DYNC2H1: variants seen among roughly 807,000 people sequenced by gnomAD.
The protein encoded by DYNC2H1 is dynein cytoplasmic 2 heavy chain 1.
In DYNC2H1, 410 loss-of-function variants were observed where a neutral mutation model predicts 570.0. The ratio of observed to expected loss-of-function variants is 0.72; its 90% CI spans 0.66 to 0.78. The LOEUF (loss-of-function observed/expected upper bound fraction) is 0.78. Ranked by LOEUF, DYNC2H1 falls within the 30% of genes least tolerant of loss-of-function variation. The probability of loss-of-function intolerance (pLI) is 0.00; values close to 1 mark genes in which losing one functional copy is unlikely to be tolerated. For missense variants in DYNC2H1, 4,865 were observed against 5,046.4 expected (o/e 0.96, Z 1.09); for synonymous variants, 1,688 against 1,677.6 (o/e 1.01, Z -0.15).
At chr11:103,124,537 C>T (rs1368056242) in intron 11 of DYNC2H1, among the ~76,000 whole-genome samples, 1 of 149,822 alleles carries the variant, frequency 6.7e-6, no homozygotes, top group Admixed American at 6.6e-5. Flanking sequence ...GAATTTAGTT[C>T]AAGCATTTTT....
At chr11:103,214,967 A>C (rs150851904) in intron 54 of DYNC2H1, among the ~76,000 whole-genome samples, 1 of 151,910 alleles carries the variant, frequency 6.6e-6, no homozygotes, top group Non-Finnish European at 1.5e-5. Context: ...TTATTGATGT[A>C]TAGAAACATT....
intron 1 of DYNC2H1, among the ~76,000 whole-genome samples, chr11:103,110,166 C>G (rs1858043542): frequency 6.6e-6 from 1 of 151,914 alleles, no homozygotes; most frequent in South Asian, 2.1e-4. Flanking sequence ...GTAGCAGGCG[C>G]GCGCCGCCAC....
At position 103,277,330 on chromosome 11, in the gene DYNC2H1, G is replaced by A. The variant is rs770527218; in HGVS notation, c.10696-3018G>A. 4.0e-5 allele frequency among the ~76,000 whole-genome samples: 6 copies of A among 151,436 alleles called. No homozygotes were observed. The highest frequency in any genetic ancestry group is 2.1e-4 in the South Asian group (1 of 4,788). ...TATTTTAATGTGGGTAATTTCCTTC[G>A]GTTTTTCTTTCATTTTACTTATATT... On this transcript the variant is annotated intron_variant, in intron 70 of 88. Transcript: ENST00000375735. The surrounding 1 kb of genome is among the most constrained non-coding windows in gnomAD (Gnocchi z 4.3).
At chr11:103,447,424 C>A (rs1175993435) in intron 85 of DYNC2H1, among the ~76,000 whole-genome samples, 1 of 152,098 alleles carries the variant, frequency 6.6e-6, no homozygotes, top group Non-Finnish European at 1.5e-5. Context: ...CTAAAATCTT[C>A]CTCAAATCCT....
chr11:103,188,493 A>G lies in DYNC2H1; in HGVS notation c.7141-4A>G, dbSNP rs1414103635. On this transcript the variant is annotated splice_region_variant and splice_polypyrimidine_tract_variant and intron_variant, in intron 43 of 88. Coordinates refer to ENST00000375735, the MANE Select transcript of DYNC2H1 (RefSeq NM_001377.3). The stretch of plus-strand genomic sequence containing the variant: ...ACGTTTAAAATATATTTATTTTCAA[A>G]TAGGTATTGACGTATCAAGGATTTT... The G allele has an allele frequency of 3.9e-6, 6 of 1,535,264 alleles. No homozygotes were observed. Among genetic ancestry groups the G allele is most frequent in the Non-Finnish European group, 5.3e-6 (6 of 1,132,952 alleles).
chr11:103,114,850 A>G (rs758635410), intron 3 of DYNC2H1, among the ~76,000 whole-genome samples: 19 of 152,126 alleles, frequency 1.2e-4, no homozygotes, highest in Non-Finnish European at 2.5e-4. Context: ...TTTATCTAGT[A>G]TATGTATTTT....
rs543714584 is a variant in DYNC2H1 at position 103,439,262 on chromosome 11, C to T, written c.12456+3230C>T. Among the ~76,000 whole-genome samples the T allele has an allele frequency of 6.1e-4, 93 of 151,870 alleles. No homozygotes were observed. Among genetic ancestry groups the T allele is most frequent in the African/African-American group, 2.0e-3 (82 of 41,426 alleles). On this transcript the variant is annotated intron_variant, in intron 85 of 88. Coordinates refer to ENST00000375735, the MANE Select transcript of DYNC2H1 (RefSeq NM_001377.3). The surrounding 1 kb of genome is among the most constrained non-coding windows in gnomAD (Gnocchi z 4.1). ...AGGAATAAACCAGATGAGGATGAGA[C>T]GAAAGAATGTATCAGACAGAAGGCA...
Position 103,189,648 on chromosome 11 carries a change from CT to C in DYNC2H1, c.7293-22del, listed in dbSNP as rs1446607864. On this transcript the variant is annotated intron_variant, in intron 44 of 88. Transcript: ENST00000375735. This position sits in a 1 kb window ranked among gnomAD's most constrained non-coding sequence, Gnocchi z 4.3. The stretch of plus-strand genomic sequence containing the variant: ...TGGAATACTGATTTATTTCAGCTTT[CT>C]TCTTATATGCCATTTTTTTTAGTTA... 1 of 1,606,140 alleles carries C rather than the reference CT, an allele frequency of 6.2e-7. No homozygotes were observed. Among genetic ancestry groups the C allele is most frequent in the East Asian group, 2.2e-5 (1 of 44,674 alleles).
intron 17 of DYNC2H1, among the ~76,000 whole-genome samples, chr11:103,140,538 C>T (rs1468908146): frequency 6.6e-6 from 1 of 152,070 alleles, no homozygotes; most frequent in Non-Finnish European, 1.5e-5. Flanking sequence ...GAATATTGGC[C>T]CCCACTCTCT....
intron 70 of DYNC2H1, among the ~76,000 whole-genome samples, chr11:103,274,293 G>C (rs1865824007): frequency 6.6e-6 from 1 of 152,074 alleles, no homozygotes; most frequent in South Asian, 2.1e-4. Flanking sequence ...CCAGGAGTTT[G>C]AGGCTGTAGT....
Position 103,307,714 on chromosome 11 carries a change from A to G in DYNC2H1, c.11383-7A>G, listed in dbSNP as rs372671861. On this transcript the variant is annotated splice_polypyrimidine_tract_variant and splice_region_variant and intron_variant, in intron 77 of 88. Coordinates refer to ENST00000375735, the MANE Select transcript of DYNC2H1 (RefSeq NM_001377.3). ...AGTAAATTTTTGTCATTGGTTTTGT[A>G]AACAAGGAATTGAATACTCTTCAAC... The G allele has an allele frequency of 5.1e-5, 77 of 1,519,592 alleles. No homozygotes were observed. Among genetic ancestry groups the G allele is most frequent in the East Asian group, 3.5e-4 (15 of 42,954 alleles). The allele number at this position is 1,519,592 out of a possible 1,614,324, so 94.1% of individuals were successfully genotyped here.
chr11:103,265,316 C>G (rs1171399698), intron 70 of DYNC2H1, among the ~76,000 whole-genome samples: 1 of 152,148 alleles, frequency 6.6e-6, no homozygotes, highest in Non-Finnish European at 1.5e-5. Flanking sequence ...CACCACGGCA[C>G]ATGTATAACT....
intron 84 of DYNC2H1, among the ~76,000 whole-genome samples, chr11:103,431,279 A>G (rs1393463310): frequency 2.0e-5 from 3 of 151,772 alleles, no homozygotes; most frequent in Non-Finnish European, 4.4e-5. Flanking sequence ...TAATGTCTCC[A>G]TGATTATAAA....
chr11:103,345,543 T>C (rs182759232), intron 82 of DYNC2H1, among the ~76,000 whole-genome samples: 118 of 152,348 alleles, frequency 7.7e-4, no homozygotes, highest in African/African-American at 2.6e-3. Flanking sequence ...CATTGTGATC[T>C]TGATTCACAT....
intron 80 of DYNC2H1, among the ~76,000 whole-genome samples, chr11:103,320,565 T>C (rs114040917): frequency 0.011 from 1,658 of 152,334 alleles, 32 homozygotes; most frequent in African/African-American, 0.037. Flanking sequence ...AATCAGATTA[T>C]TTTATAAACT....
At chr11:103,473,281 A>C (rs1478049021) in intron 88 of DYNC2H1, among the ~76,000 whole-genome samples, 1 of 140,500 alleles carries the variant, frequency 7.1e-6, no homozygotes, top group Non-Finnish European at 1.5e-5. Flanking sequence ...TCATTCATGA[A>C]ACAGATTTTT....
chr11:103,260,737 A>C (rs1865245899), intron 70 of DYNC2H1, among the ~76,000 whole-genome samples: 1 of 150,568 alleles, frequency 6.6e-6, no homozygotes, highest in African/African-American at 2.5e-5. Context: ...CTCCTGCTTC[A>C]GCCTCCCAAG....
chr11:103,321,964 T>C (rs1179466666), intron 81 of DYNC2H1, among the ~76,000 whole-genome samples: 1 of 152,150 alleles, frequency 6.6e-6, no homozygotes, highest in East Asian at 1.9e-4. Flanking sequence ...TGCTGTTTCC[T>C]TTCATCCAAA....
intron 60 of DYNC2H1, among the ~76,000 whole-genome samples, chr11:103,232,561 A>T (rs572345963): frequency 6.6e-6 from 1 of 152,166 alleles, no homozygotes; most frequent in East Asian, 1.9e-4. Context: ...GCTGTTACTT[A>T]TACTGATCCT....
Sources: allele counts gnomAD v4.1 joint callset (sites outside exome capture counted in the v4.1 genomes callset), GRCh38; gene constraint gnomAD v4.1.1; non-coding constraint Gnocchi (gnomAD v3.1); transcripts MANE v1.5; gene names NCBI Gene and HGNC (gene_info 2026-07-23, HGNC 2026-07-21).